Variants in KY observed in about 807,000 individuals in gnomAD.
KY encodes kyphoscoliosis peptidase.
In KY, 43 loss-of-function variants were observed where a neutral mutation model predicts 76.1. The observed-to-expected ratio is 0.57, with a 90% confidence interval of 0.44 to 0.73. The LOEUF (loss-of-function observed/expected upper bound fraction) is 0.73. Among genes scored for constraint, KY ranks in the 30% least tolerant of loss-of-function variants. KY has a pLI of 0.00. For missense variants in KY, 722 were observed against 828.9 expected (o/e 0.87, Z 1.58); for synonymous variants, 277 against 326.2 (o/e 0.85, Z 1.63).
At chr3:134,629,583 T>C in intron 4 of KY, 38 bp downstream of exon 4, 1 of 1,521,320 alleles carries the variant, frequency 6.6e-7, no homozygotes, top group Non-Finnish European at 9.0e-7. Flanking sequence ...CAATCCTCTC[T>C]GCCAGCCCTC....
At chr3:134,619,453 G>A (rs138774649) in intron 7 of KY, among the ~76,000 whole-genome samples, 188 bp from the exon 8 acceptor site, 1 of 152,360 alleles carries the variant, frequency 6.6e-6, no homozygotes, top group African/African-American at 2.4e-5. Flanking sequence ...GAGAGGAAGA[G>A]CAGGCCTTGG....
rs963207910 is a variant in KY at position 134,603,183 on chromosome 3, G to C, written c.*396C>G. 1 of 162,906 alleles carries C rather than the reference G, an allele frequency of 6.1e-6. No individual in the cohort carries two copies. The highest frequency in any genetic ancestry group is 2.4e-5 in the African/African-American group (1 of 41,816). 10.1% of individuals were successfully genotyped at this position (162,906 alleles called of 1,614,324 possible). Reference sequence around the variant, plus strand: ...TGCAAATCATGTCCCCTTGGGCATGGAAGAGAATTCTCTAAGCATCATGTG... The same window carrying C: ...TGCAAATCATGTCCCCTTGGGCATGCAAGAGAATTCTCTAAGCATCATGTG... On this transcript the variant is annotated 3_prime_UTR_variant, in exon 11 of 11. Coordinates refer to ENST00000423778, the MANE Select transcript of KY (RefSeq NM_178554.6).
intron 4 of KY, among the ~76,000 whole-genome samples, chr3:134,628,455 T>TG (rs1963759701): frequency 6.6e-6 from 1 of 152,032 alleles, no homozygotes; most frequent in Non-Finnish European, 1.5e-5. Flanking sequence ...GAGTTGAAGG[T>TG]GGGGATGCCA....
intron 3 of KY, among the ~76,000 whole-genome samples, chr3:134,629,982 A>G (rs1273908766): frequency 2.0e-5 from 3 of 152,254 alleles, no homozygotes; most frequent in Admixed American, 2.0e-4. Context: ...TCTGCAAAGT[A>G]AATAATAGAA....
At chr3:134,633,214 T>G (rs1297224143) in intron 3 of KY, among the ~76,000 whole-genome samples, 2 of 152,046 alleles carry the variant, frequency 1.3e-5, no homozygotes, top group East Asian at 3.8e-4. Flanking sequence ...ATAGGATCTT[T>G]CGTAAAACAG....
At chr3:134,627,674 G>C (rs1963643455) in intron 5 of KY, 82 bp downstream of exon 5, 5 of 1,269,636 alleles carry the variant, frequency 3.9e-6, no homozygotes, top group Non-Finnish European at 5.7e-6. Flanking sequence ...GGCCCAGGAA[G>C]CAACTGTCAA....
At chr3:134,624,939 A>G in intron 6 of KY, 114 bp downstream of exon 6, 6 of 932,550 alleles carry the variant, frequency 6.4e-6, no homozygotes, top group Non-Finnish European at 1.7e-6. Flanking sequence ...TTCCAGGGCC[A>G]TCCAACCAAG....
chr3:134,644,298 C>T (rs1002986904), intron 2 of KY, among the ~76,000 whole-genome samples: 2 of 152,226 alleles, frequency 1.3e-5, no homozygotes, highest in African/African-American at 4.8e-5. Context: ...ACAGAGTTGT[C>T]CTCAGAGCCT....
intron 2 of KY, among the ~76,000 whole-genome samples, chr3:134,644,058 C>A (rs1474630192): frequency 6.6e-6 from 1 of 152,146 alleles, no homozygotes; most frequent in Non-Finnish European, 1.5e-5. Context: ...ATCTCCTGAC[C>A]TTGTGATTCA....
intron 10 of KY, among the ~76,000 whole-genome samples, chr3:134,606,200 C>A (rs1959194772): frequency 1.3e-5 from 2 of 152,152 alleles, no homozygotes. Context: ...CAGTGAAGCC[C>A]AGATCCCCCT....
At chr3:134,610,702 G>T in intron 8 of KY, 1 of 236,766 alleles carries the variant, frequency 4.2e-6, no homozygotes, top group East Asian at 8.4e-5. Flanking sequence ...CGCTCCTCAA[G>T]CAGCTCTTCA....
intron 10 of KY, among the ~76,000 whole-genome samples, chr3:134,604,914 C>G (rs571189459): frequency 6.6e-6 from 1 of 152,306 alleles, no homozygotes; most frequent in Non-Finnish European, 1.5e-5. Flanking sequence ...AGTGTCAATG[C>G]TGTCATGTCA....
intron 1 of KY, among the ~76,000 whole-genome samples, chr3:134,650,097 C>G (rs1054947679): frequency 6.6e-6 from 1 of 152,208 alleles, no homozygotes. Flanking sequence ...ACATTGTGTT[C>G]TGTCGTCTGG....
chr3:134,628,316 C>T (rs906293264), intron 4 of KY, among the ~76,000 whole-genome samples: 2 of 152,120 alleles, frequency 1.3e-5, no homozygotes, highest in African/African-American at 4.8e-5. Flanking sequence ...AACTGAATCC[C>T]ATAAATCTAA....
Position 134,650,889 on chromosome 3 carries a change from G to A in KY, c.72C>T (p.Arg24=), listed in dbSNP as rs1966878367. Residue 24 remains arginine, a synonymous_variant, in exon 1 of 11, where the codon CGC becomes CGT. Coordinates refer to ENST00000423778, the MANE Select transcript of KY (RefSeq NM_178554.6). ...MLLIVHSEKR[R]AAQGTLSDQQ... is the part of the protein sequence containing the mutation. ...GGTCTGAGAGCGTACCCTGTGCGGC[G>A]CGCCGCTTCTCCGAGTGCACGATCA... 6.2e-7 allele frequency: 1 copy of A among 1,612,924 alleles called. No individual in the cohort carries two copies. The highest frequency in any genetic ancestry group is 8.5e-7 in the Non-Finnish European group (1 of 1,179,408).
At chr3:134,620,912 G>C (rs555061632) in intron 6 of KY, 55 bp from the exon 7 acceptor site, 1 of 1,091,080 alleles carries the variant, frequency 9.2e-7, no homozygotes, top group Non-Finnish European at 1.4e-6. Context: ...GCTGTTGGGG[G>C]CCCAGCATCT....
intron 3 of KY, among the ~76,000 whole-genome samples, 186 bp from the exon 4 acceptor site, chr3:134,629,881 C>A (rs139020472): frequency 2.4e-4 from 36 of 152,230 alleles, no homozygotes; most frequent in African/African-American, 7.7e-4. Flanking sequence ...CAGATTCAGG[C>A]AAGATGGAGT....
chr3:134,630,754 G>A (rs1003398104), intron 3 of KY, among the ~76,000 whole-genome samples: 2 of 152,196 alleles, frequency 1.3e-5, no homozygotes, highest in Admixed American at 6.5e-5. Context: ...ACTCAGCTAG[G>A]AAGACTCAGG....
intron 4 of KY, chr3:134,629,350 A>G (rs1560126043): frequency 4.6e-6 from 2 of 435,288 alleles, no homozygotes; most frequent in East Asian, 3.5e-5. Context: ...TCTAAAAGCA[A>G]CAGCAACAAC....
Sources: allele counts gnomAD v4.1 joint callset (sites outside exome capture counted in the v4.1 genomes callset), GRCh38; gene constraint gnomAD v4.1.1; transcripts MANE v1.5; gene names NCBI Gene and HGNC (gene_info 2026-07-23, HGNC 2026-07-21).